FSIP1: variants seen among roughly 807,000 people sequenced by gnomAD.
FSIP1 encodes the protein fibrous sheath interacting protein 1.
FSIP1 carries 65 observed loss-of-function variants against 60.9 expected under a neutral mutation model. The observed-to-expected ratio is 1.07, with a 90% CI of 0.87 to 1.31. The LOEUF is 1.31. FSIP1 is among the 40% of genes most tolerant of loss of function. The probability of loss-of-function intolerance (pLI) is 0.00; values close to 1 mark genes in which losing one functional copy is unlikely to be tolerated. For missense variants in FSIP1, 675 were observed against 665.5 expected (o/e 1.01, Z -0.16); for synonymous variants, 209 against 221.2 (o/e 0.94, Z 0.49).
At chr15:39,676,296 C>G (rs1380958661) in intron 10 of FSIP1, among the ~76,000 whole-genome samples, 3 of 152,084 alleles carry the variant, frequency 2.0e-5, no homozygotes, top group Admixed American at 1.3e-4. Flanking sequence ...GAAAACAGCT[C>G]AGTCACATCA....
At chr15:39,643,495 G>A (rs1892461156) in intron 10 of FSIP1, among the ~76,000 whole-genome samples, 1 of 152,090 alleles carries the variant, frequency 6.6e-6, no homozygotes. Context: ...TACCTAAAAG[G>A]AGTTGTCAGA....
chr15:39,776,865 G>C (rs1187613064), intron 1 of FSIP1, among the ~76,000 whole-genome samples: 1 of 152,082 alleles, frequency 6.6e-6, no homozygotes, highest in Non-Finnish European at 1.5e-5. Context: ...GGAACACTCA[G>C]GGGCACCCGT....
chr15:39,635,024 C>T (rs1034824208), intron 10 of FSIP1, among the ~76,000 whole-genome samples: 1 of 148,974 alleles, frequency 6.7e-6, no homozygotes, highest in Non-Finnish European at 1.5e-5. Flanking sequence ...TTATTCTCTG[C>T]TTATGTGCCT....
At chr15:39,728,832 G>A (rs534072725) in intron 8 of FSIP1, among the ~76,000 whole-genome samples, 44 of 152,258 alleles carry the variant, frequency 2.9e-4, no homozygotes, top group South Asian at 1.2e-3. Context: ...TACAGAATGG[G>A]AGAAAATATT....
At chr15:39,672,366 C>T (rs181054391) in intron 10 of FSIP1, among the ~76,000 whole-genome samples, 51 of 152,322 alleles carry the variant, frequency 3.3e-4, no homozygotes, top group African/African-American at 1.2e-3. Context: ...CTACATCTGT[C>T]AGCTATGCTT....
At chr15:39,687,086 C>T (rs894818814) in intron 10 of FSIP1, among the ~76,000 whole-genome samples, 16 of 150,680 alleles carry the variant, frequency 1.1e-4, no homozygotes, top group African/African-American at 3.2e-4. Flanking sequence ...AATAACACTC[C>T]TGCTTTTGAC....
At chr15:39,702,821 T>C (rs1895112959) in intron 10 of FSIP1, among the ~76,000 whole-genome samples, 1 of 151,998 alleles carries the variant, frequency 6.6e-6, no homozygotes, top group African/African-American at 2.4e-5. Flanking sequence ...CTACAGCACA[T>C]GGCCTCTACC....
At chr15:39,760,343 C>T (rs1422633656) in intron 5 of FSIP1, among the ~76,000 whole-genome samples, 1 of 152,064 alleles carries the variant, frequency 6.6e-6, no homozygotes, top group Non-Finnish European at 1.5e-5. Context: ...CTTAAAGCAT[C>T]TCCCCCAAGA....
intron 5 of FSIP1, among the ~76,000 whole-genome samples, chr15:39,750,625 CA>C (rs1897135076): frequency 6.6e-6 from 1 of 151,906 alleles, no homozygotes; most frequent in Admixed American, 6.6e-5. Context: ...ACCTCATACA[CA>C]AAAATCAACT....
intron 2 of FSIP1, among the ~76,000 whole-genome samples, chr15:39,773,526 G>A (rs142246266): frequency 6.6e-6 from 1 of 152,190 alleles, no homozygotes; most frequent in African/African-American, 2.4e-5. Flanking sequence ...ATATTAATCT[G>A]TGTATTAAAA....
At chr15:39,634,342 A>G (rs1444228141) in intron 10 of FSIP1, among the ~76,000 whole-genome samples, 1 of 152,044 alleles carries the variant, frequency 6.6e-6, no homozygotes, top group Non-Finnish European at 1.5e-5. Context: ...CTCTCCTTCT[A>G]TTGTCTCTTA....
Position 39,719,533 on chromosome 15 carries a change from T to G in FSIP1, c.1051-5952A>C, listed in dbSNP as rs189732332. 2.6e-5 allele frequency among the ~76,000 whole-genome samples: 4 copies of G among 152,278 alleles called. 1 individual carries two copies. The highest frequency in any genetic ancestry group is 2.6e-4 in the Admixed American group (4 of 15,300). ...AGCAAAATAAACTCATTTTCAAAAA[T>G]CAAAAACAGCAAATTACCCGCAGCT... On this transcript the variant is annotated intron_variant, in intron 9 of 11. Transcript: ENST00000350221.
intron 5 of FSIP1, among the ~76,000 whole-genome samples, chr15:39,751,385 G>A (rs1897156207): frequency 1.3e-5 from 2 of 149,316 alleles, no homozygotes; most frequent in Admixed American, 1.3e-4. Flanking sequence ...GTGTCCATTG[G>A]CAGATGAATG....
chr15:39,626,935 T>C (rs1441293303), intron 10 of FSIP1, among the ~76,000 whole-genome samples: 1 of 152,146 alleles, frequency 6.6e-6, no homozygotes, highest in Non-Finnish European at 1.5e-5. Flanking sequence ...TGCCTCTTAT[T>C]GTGAGAAGCA....
chr15:39,621,315 T>C lies in FSIP1; in HGVS notation c.1189-3070A>G, dbSNP rs1329561944. ...CTGAGCTGAATCTTCACTGGCTTCA[T>C]GGTAAATTGCTTCTGGGCACTATGA... On this transcript the variant is annotated intron_variant, in intron 10 of 11. Transcript: ENST00000350221. Among the ~76,000 whole-genome samples the C allele has an allele frequency of 2.0e-5, 3 of 152,222 alleles. No individual in the cohort carries two copies. The East Asian group carries it at 5.8e-4, about 29-fold the overall frequency.
chr15:39,649,980 T>A (rs1041050907), intron 10 of FSIP1, among the ~76,000 whole-genome samples: 4 of 152,234 alleles, frequency 2.6e-5, no homozygotes, highest in Non-Finnish European at 5.9e-5. Flanking sequence ...CTGGCTCAAA[T>A]GCCAAGTCCT....
intron 11 of FSIP1, among the ~76,000 whole-genome samples, chr15:39,607,501 A>G (rs1317473635): frequency 6.6e-6 from 1 of 152,246 alleles, no homozygotes; most frequent in Non-Finnish European, 1.5e-5. Flanking sequence ...TAGTGAGTAC[A>G]ATGCTGAATT....
In FSIP1 at chr15:39,739,745, C is replaced by T. The variant is rs1182907595; in HGVS notation, c.700G>A (p.Gly234Arg). The change falls in exon 7 of 12, where the codon GGA becomes AGA. Residue 234 changes from glycine (G) to arginine (R), a missense_variant. Physicochemically the swap from Gly to Arg is moderately radical, Grantham distance 125. Transcript: ENST00000350221. ...VERNESLIKS[G>R]KKPFSNTEKI... Reference sequence around the variant, plus strand: ...TCTGTATTCGAGAAAGGTTTCTTTCCTGATTTGATCAATGACTCATTTCTT... The same window carrying T: ...TCTGTATTCGAGAAAGGTTTCTTTCTTGATTTGATCAATGACTCATTTCTT... 18 of 1,592,390 alleles carry T rather than the reference C, an allele frequency of 1.1e-5. No individual in the cohort carries two copies. The highest frequency in any genetic ancestry group is 1.4e-5 in the Non-Finnish European group (17 of 1,173,230).
intron 10 of FSIP1, among the ~76,000 whole-genome samples, chr15:39,660,037 C>G (rs900251726): frequency 6.6e-6 from 1 of 152,162 alleles, no homozygotes; most frequent in African/African-American, 2.4e-5. Flanking sequence ...CATGGGAAAA[C>G]AGAAAAATGG....
Sources: allele counts gnomAD v4.1 joint callset (sites outside exome capture counted in the v4.1 genomes callset), GRCh38; gene constraint gnomAD v4.1.1; transcripts MANE v1.5; gene names NCBI Gene and HGNC (gene_info 2026-07-23, HGNC 2026-07-21).